DTNBP1: variants seen among roughly 807,000 people sequenced by gnomAD.
The protein encoded by DTNBP1 is dysbindin.
Under a neutral mutation model 42.8 loss-of-function variants are expected in DTNBP1, and 35 were observed. The observed-to-expected ratio is 0.82, with a 90% CI of 0.63 to 1.09. The LOEUF (loss-of-function observed/expected upper bound fraction) is 1.09. DTNBP1 is among the 50% of genes least tolerant of loss of function. The pLI is 0.00. For synonymous variants in DTNBP1, 171 were observed against 162.2 expected, an observed-to-expected ratio of 1.05 and a Z score of -0.41; for missense variants, 457 against 424.2, an observed-to-expected ratio of 1.08 and a Z score of -0.68.
At chr6:15,610,441 A>C (rs1581390006) in intron 6 of DTNBP1, among the ~76,000 whole-genome samples, 2 of 152,306 alleles carry the variant, frequency 1.3e-5, no homozygotes, top group East Asian at 3.9e-4. Flanking sequence ...ATTATTAATA[A>C]TAACCCTACA....
chr6:15,535,723 G>A (rs1773190296), intron 7 of DTNBP1, among the ~76,000 whole-genome samples: 1 of 152,166 alleles, frequency 6.6e-6, no homozygotes, highest in South Asian at 2.1e-4. Context: ...AAGGGACTTT[G>A]GAACTGGGTT....
chr6:15,650,266 A>C (rs1481004627), intron 3 of DTNBP1, among the ~76,000 whole-genome samples: 2 of 152,106 alleles, frequency 1.3e-5, no homozygotes, highest in Non-Finnish European at 2.9e-5. Flanking sequence ...TTAACCATAT[A>C]CTGTATTTAT....
chr6:15,632,331 ATTCTC>A (rs1043280163), intron 4 of DTNBP1, among the ~76,000 whole-genome samples: 1 of 152,204 alleles, frequency 6.6e-6, no homozygotes, highest in African/African-American at 2.4e-5. Flanking sequence ...TCTTAAACAT[ATTCTC>A]TTCTACCATT....
At chr6:15,600,982 C>T (rs1237732417) in intron 6 of DTNBP1, among the ~76,000 whole-genome samples, 1 of 152,088 alleles carries the variant, frequency 6.6e-6, no homozygotes, top group Non-Finnish European at 1.5e-5. Flanking sequence ...GAAGAGCATG[C>T]CCAAGGAGGG....
At chr6:15,536,575 G>A (rs1054412360) in intron 7 of DTNBP1, among the ~76,000 whole-genome samples, 1 of 152,262 alleles carries the variant, frequency 6.6e-6, no homozygotes, top group African/African-American at 2.4e-5. Context: ...CCTTGGCCTA[G>A]ATCTCCCAGG....
intron 9 of DTNBP1, chr6:15,523,496 GA>G (rs1772072011): frequency 1.6e-6 from 2 of 1,282,300 alleles, no homozygotes; most frequent in Admixed American, 6.0e-5. Context: ...GCGTGTAATA[GA>G]GGCCCAAAGG....
chr6:15,557,393 A>G (rs1159380952), intron 7 of DTNBP1, among the ~76,000 whole-genome samples: 2 of 152,174 alleles, frequency 1.3e-5, no homozygotes, highest in African/African-American at 4.8e-5. Flanking sequence ...CACATTGGCT[A>G]AAGTTAAAGG....
intron 7 of DTNBP1, among the ~76,000 whole-genome samples, chr6:15,568,552 C>A (rs549293542): frequency 6.6e-6 from 1 of 151,998 alleles, no homozygotes; most frequent in Non-Finnish European, 1.5e-5. Context: ...CATTTATACA[C>A]GAATTTTTTT....
intron 7 of DTNBP1, among the ~76,000 whole-genome samples, chr6:15,570,404 T>C (rs1360265302): frequency 2.0e-5 from 3 of 152,204 alleles, no homozygotes; most frequent in Non-Finnish European, 4.4e-5. Context: ...CAGTCACACA[T>C]GTACTCTGAG....
chr6:15,530,543 C>T (rs987604324), intron 8 of DTNBP1, among the ~76,000 whole-genome samples: 1 of 152,206 alleles, frequency 6.6e-6, no homozygotes, highest in African/African-American at 2.4e-5. Flanking sequence ...TTCTCTCTGC[C>T]AGCCCGCTGA....
chr6:15,526,180 G>A (rs1388837654), intron 8 of DTNBP1, among the ~76,000 whole-genome samples: 1 of 152,224 alleles, frequency 6.6e-6, no homozygotes, highest in African/African-American at 2.4e-5. Flanking sequence ...AGACCAAGAA[G>A]AAACACGTCA....
chr6:15,627,208 T>A, intron 5 of DTNBP1, 135 bp downstream of exon 5: 1 of 1,152,066 alleles, frequency 8.7e-7, no homozygotes, highest in Non-Finnish European at 1.2e-6. Flanking sequence ...AATCAAAATA[T>A]GAAATCATGA....
chr6:15,524,239 G>A, intron 9 of DTNBP1: 2 of 1,571,716 alleles, frequency 1.3e-6, no homozygotes, highest in Non-Finnish European at 1.7e-6. Flanking sequence ...AGACTCAAAT[G>A]GATTTCTGGG....
chr6:15,579,126 C>T (rs1775709104), intron 7 of DTNBP1, among the ~76,000 whole-genome samples: 1 of 152,042 alleles, frequency 6.6e-6, no homozygotes, highest in Non-Finnish European at 1.5e-5. Context: ...TTTACAAAAG[C>T]CAAGATATGG....
At chr6:15,615,637 T>C (rs1020856211) in intron 5 of DTNBP1, among the ~76,000 whole-genome samples, 2 of 152,218 alleles carry the variant, frequency 1.3e-5, no homozygotes, top group African/African-American at 4.8e-5. Context: ...TAAACACTTA[T>C]TAACCAGGAA....
rs970387358 is a variant in DTNBP1 at position 15,523,388 on chromosome 6, C to T, written c.812-169G>A. ...CTGCCCTGGAAGACACTGAGCTGAG[C>T]GATGCCAGAGGCAGCCTCAGGCCCT... On this transcript the variant is annotated intron_variant, in intron 9 of 9. Transcript: ENST00000344537. Among the ~76,000 whole-genome samples the T allele has an allele frequency of 8.5e-5, 13 of 152,238 alleles. No individual in the cohort carries two copies. In the Middle Eastern group the frequency reaches 0.01, roughly 119 times the overall value.
rs990732717 is a variant in DTNBP1 at position 15,603,262 on chromosome 6, G to A, written c.489-10181C>T. On this transcript the variant is annotated intron_variant, in intron 6 of 9. Transcript: ENST00000344537. The stretch of plus-strand genomic sequence containing the variant: ...TCAAGAGGTCATTGGCCTAGTAAAT[G>A]TGATTACATTATAATAAATACAATA... Among the ~76,000 whole-genome samples the A allele has an allele frequency of 5.9e-5, 9 of 152,160 alleles. No homozygotes were observed. In the East Asian group the frequency reaches 1.7e-3, roughly 29 times the overall value.
chr6:15,563,899 C>A lies in DTNBP1; in HGVS notation c.511+29160G>T, dbSNP rs552335671. ...GACCAGCCTGACCAACATGGTGAAA[C>A]CCTGTCTCTACTAAAAATACAAAAA... On this transcript the variant is annotated intron_variant, in intron 7 of 9. Transcript: ENST00000344537. Among the ~76,000 whole-genome samples the A allele has an allele frequency of 3.1e-3, 468 of 152,156 alleles. 4 individuals are homozygous for A. Among genetic ancestry groups the A allele is most frequent in the African/African-American group, 0.011 (442 of 41,504 alleles).
At chr6:15,562,126 C>A (rs1456780761) in intron 7 of DTNBP1, among the ~76,000 whole-genome samples, 1 of 152,204 alleles carries the variant, frequency 6.6e-6, no homozygotes, top group Non-Finnish European at 1.5e-5. Context: ...AGCCAACCAG[C>A]AGTCCTCGGG....
Sources: allele counts gnomAD v4.1 joint callset (sites outside exome capture counted in the v4.1 genomes callset), GRCh38; gene constraint gnomAD v4.1.1; transcripts MANE v1.5; gene names NCBI Gene and HGNC (gene_info 2026-07-23, HGNC 2026-07-21).